Variants in NRG1 observed in about 807,000 individuals in gnomAD.
NRG1 encodes the protein neuregulin 1, also known as pro-neuregulin-1, membrane-bound isoform.
Under a neutral mutation model 63.8 loss-of-function variants are expected in NRG1, and 18 were observed. The observed-to-expected ratio is 0.28, with a 90% CI of 0.19 to 0.42. The LOEUF (loss-of-function observed/expected upper bound fraction) is 0.42, where lower values mean the gene tolerates loss of function less well. Ranked by LOEUF, NRG1 falls within the 10% of genes least tolerant of loss-of-function variation. The pLI is 1.00. For missense variants in NRG1, 762 were observed against 814.7 expected (o/e 0.94, Z 0.79); for synonymous variants, 302 against 301.3 (o/e 1.00, Z -0.02).
intron 5 of NRG1, among the ~76,000 whole-genome samples, chr8:32,637,947 G>A (rs1022481040): frequency 2.0e-5 from 3 of 152,164 alleles, no homozygotes; most frequent in Non-Finnish European, 4.4e-5. Flanking sequence ...AGTAGAAATG[G>A]TCCAGGGAAA....
intron 1 of NRG1, among the ~76,000 whole-genome samples, chr8:31,695,049 G>A (rs1032091843): frequency 6.6e-6 from 1 of 152,188 alleles, no homozygotes; most frequent in African/African-American, 2.4e-5. Context: ...TGTACAGGAA[G>A]CATGGTTGGG....
At chr8:32,357,776 T>G (rs1440855910) in intron 1 of NRG1, among the ~76,000 whole-genome samples, 1 of 152,180 alleles carries the variant, frequency 6.6e-6, no homozygotes, top group East Asian at 1.9e-4. Context: ...TGCCAGCTGT[T>G]GGGAATAGAA....
At chr8:32,712,447 C>T (rs1238160134) in intron 5 of NRG1, among the ~76,000 whole-genome samples, 1 of 152,060 alleles carries the variant, frequency 6.6e-6, no homozygotes, top group Non-Finnish European at 1.5e-5. Flanking sequence ...TTTAGTATGT[C>T]TCCTATTTGG....
At chr8:32,593,302 A>AT (rs1204443540) in intron 1 of NRG1, among the ~76,000 whole-genome samples, 1 of 152,156 alleles carries the variant, frequency 6.6e-6, no homozygotes, top group East Asian at 1.9e-4. Flanking sequence ...GAGGCAATGT[A>AT]TTTTTTTAAT....
intron 1 of NRG1, among the ~76,000 whole-genome samples, chr8:31,878,863 G>T (rs1830126973): frequency 6.6e-6 from 1 of 152,128 alleles, no homozygotes; most frequent in African/African-American, 2.4e-5. Flanking sequence ...CACAAAGGGA[G>T]AAAGTCTGAA....
At chr8:31,749,432 C>T (rs921080921) in intron 1 of NRG1, among the ~76,000 whole-genome samples, 3 of 151,670 alleles carry the variant, frequency 2.0e-5, no homozygotes, top group Non-Finnish European at 2.9e-5. Flanking sequence ...TAGTAGGATT[C>T]TAAGCAGCAC....
intron 1 of NRG1, among the ~76,000 whole-genome samples, chr8:31,826,906 G>T (rs1295231220): frequency 6.6e-6 from 1 of 152,140 alleles, no homozygotes; most frequent in East Asian, 1.9e-4. Flanking sequence ...TGTTTTAGTT[G>T]TATGATGCTA....
intron 1 of NRG1, among the ~76,000 whole-genome samples, chr8:32,363,181 AGTGATCCCTG>A (rs1343832275): frequency 6.6e-6 from 1 of 152,198 alleles, no homozygotes; most frequent in African/African-American, 2.4e-5. Flanking sequence ...CAAGCTGAAA[AGTGATCCCTG>A]GTGATAAACA....
chr8:32,174,895 C>T (rs1840523446), intron 1 of NRG1, among the ~76,000 whole-genome samples: 1 of 152,158 alleles, frequency 6.6e-6, no homozygotes, highest in Non-Finnish European at 1.5e-5. Context: ...CCAAATTCTA[C>T]CGAGGTACAA....
At chr8:32,225,454 G>A (rs974470923) in intron 1 of NRG1, among the ~76,000 whole-genome samples, 1 of 152,044 alleles carries the variant, frequency 6.6e-6, no homozygotes, top group Non-Finnish European at 1.5e-5. Flanking sequence ...CTATTTTATG[G>A]GGCCACCAGG....
chr8:32,059,242 C>T (rs998083591), intron 1 of NRG1, among the ~76,000 whole-genome samples: 7 of 151,660 alleles, frequency 4.6e-5, no homozygotes, highest in African/African-American at 1.7e-4. Flanking sequence ...TTTTTTTACT[C>T]TCTATCATAT....
chr8:32,558,438 T>C (rs753625149), intron 1 of NRG1, among the ~76,000 whole-genome samples: 5 of 152,110 alleles, frequency 3.3e-5, no homozygotes, highest in Non-Finnish European at 5.9e-5. Context: ...CCTTCTCCCT[T>C]ATGAAATAGA....
At chr8:31,998,752 A>G (rs537357758) in intron 1 of NRG1, among the ~76,000 whole-genome samples, 3 of 152,160 alleles carry the variant, frequency 2.0e-5, no homozygotes, top group East Asian at 1.9e-4. Context: ...TTGGATGCCA[A>G]TTAGGCACCT....
intron 1 of NRG1, among the ~76,000 whole-genome samples, chr8:32,223,904 T>G (rs1320419203): frequency 1.3e-5 from 2 of 151,842 alleles, no homozygotes; most frequent in East Asian, 3.9e-4. Flanking sequence ...GAAGAGAAAA[T>G]AAGCAGAATA....
rs373679295 is a variant in NRG1, at chr8:32,397,109, C to A, written c.38-198719C>A. On this transcript the variant is annotated intron_variant, in intron 1 of 10. Transcript: ENST00000519301. ...GGAGATGGATAAATAGGTAGGTAGG[C>A]AGATTAGTAGGTAGATAGATAGATA... Among the ~76,000 whole-genome samples, 4 of 152,146 alleles carry A rather than the reference C, an allele frequency of 2.6e-5. No individual in the cohort carries two copies. In the East Asian group the frequency reaches 7.7e-4, roughly 29 times the overall value.
intron 1 of NRG1, among the ~76,000 whole-genome samples, chr8:31,967,109 C>T (rs145819736): frequency 4.5e-4 from 69 of 152,124 alleles, no homozygotes; most frequent in African/African-American, 1.5e-3. Flanking sequence ...ATTGAAAAAC[C>T]AGGCTGTGGA....
rs752838932 is a variant in NRG1, at chr8:32,742,919, G to A, written c.691+186G>A. The A allele has an allele frequency of 4.4e-5, 65 of 1,478,170 alleles. No homozygotes were observed. Among genetic ancestry groups the A allele is most frequent in the Non-Finnish European group, 4.9e-5 (55 of 1,113,358 alleles). 91.6% of individuals were successfully genotyped at this position (1,478,170 alleles called of 1,614,324 possible). ...AGCAATTGTATTACTTCCTCTGTTC[G>A]CGACTAGTTGGCTCTGAGATACTAA... On this transcript the variant is annotated intron_variant, in intron 7 of 11. Coordinates refer to ENST00000356819, the Ensembl canonical transcript of NRG1. The surrounding 1 kb of genome is among the most constrained non-coding windows in gnomAD (Gnocchi z 4.2).
chr8:32,460,099 T>C (rs1822134352), intron 1 of NRG1, among the ~76,000 whole-genome samples: 1 of 152,214 alleles, frequency 6.6e-6, no homozygotes, highest in South Asian at 2.1e-4. Flanking sequence ...AGAAGAACTT[T>C]ATCTGTTTGT....
chr8:32,125,840 T>C (rs1585479471), intron 1 of NRG1, among the ~76,000 whole-genome samples: 1 of 152,166 alleles, frequency 6.6e-6, no homozygotes, highest in African/African-American at 2.4e-5. Flanking sequence ...ACTTAGTTTC[T>C]ACATTTTTTT....
Sources: gnomAD v4.1 joint callset for allele counts (sites outside exome capture counted in the v4.1 genomes callset) on GRCh38, gnomAD v4.1.1 for gene constraint, Gnocchi (gnomAD v3.1) non-coding constraint, MANE v1.5 for transcripts, NCBI Gene and HGNC (gene_info 2026-07-23, HGNC 2026-07-21) for gene names.